The following NRG1 variants were observed in gnomAD, a reference collection of about 807,000 sequenced individuals.
NRG1 encodes the protein neuregulin 1, also known as pro-neuregulin-1, membrane-bound isoform.
A neutral mutation model predicts 63.8 loss-of-function variants in NRG1; 18 were observed. The ratio of observed to expected loss-of-function variants is 0.28; its 90% CI spans 0.19 to 0.42. The LOEUF (loss-of-function observed/expected upper bound fraction) is 0.42. NRG1 is among the 10% of genes least tolerant of loss of function. The pLI, the probability that NRG1 is intolerant of heterozygous loss-of-function variation, is 1.00. For missense variants in NRG1, 762 were observed against 814.7 expected (o/e 0.94, Z 0.79); for synonymous variants, 302 against 301.3 (o/e 1.00, Z -0.02).
At chr8:32,473,844 C>G (rs1824146368) in intron 1 of NRG1, among the ~76,000 whole-genome samples, 1 of 152,030 alleles carries the variant, frequency 6.6e-6, no homozygotes. Flanking sequence ...CCATCAGGCC[C>G]AACTACATTT....
At chr8:31,785,699 A>C (rs558657900) in intron 1 of NRG1, among the ~76,000 whole-genome samples, 13 of 152,232 alleles carry the variant, frequency 8.5e-5, no homozygotes, top group Non-Finnish European at 1.8e-4. Flanking sequence ...GTGGTTAAAA[A>C]AATCTTGCAT....
intron 1 of NRG1, among the ~76,000 whole-genome samples, chr8:31,922,760 G>A (rs1295545928): frequency 2.0e-5 from 3 of 152,144 alleles, no homozygotes; most frequent in Non-Finnish European, 1.5e-5. Flanking sequence ...TCATGCAGTA[G>A]CTCAACATCC....
intron 1 of NRG1, among the ~76,000 whole-genome samples, chr8:32,495,401 G>A (rs1319506134): frequency 2.6e-5 from 4 of 152,200 alleles, no homozygotes; most frequent in Admixed American, 1.3e-4. Flanking sequence ...CCCCAGCCAT[G>A]TGGAACTGTG....
In NRG1 at chr8:32,408,571, G is replaced by A. The variant is rs142243053; in HGVS notation, c.38-187257G>A. 4.5e-3 allele frequency among the ~76,000 whole-genome samples: 679 copies of A among 149,392 alleles called. 10 individuals are homozygous for A. Among genetic ancestry groups the A allele is most frequent in the African/African-American group, 0.016 (659 of 40,418 alleles). On this transcript the variant is annotated intron_variant, in intron 1 of 10. Transcript: ENST00000519301. ...TGCTTGGTCTGGTGGCTACTGCAGA[G>A]GGGGAAATCTCCAAAAACTGCAAAA...
intron 1 of NRG1, among the ~76,000 whole-genome samples, chr8:31,678,679 T>G (rs114084731): frequency 6.7e-6 from 1 of 149,738 alleles, no homozygotes; most frequent in Non-Finnish European, 1.5e-5. Flanking sequence ...TTGAAATGAT[T>G]ATTTTAATAT....
At chr8:32,687,770 T>C (rs1357298503) in intron 5 of NRG1, among the ~76,000 whole-genome samples, 1 of 152,242 alleles carries the variant, frequency 6.6e-6, no homozygotes, top group Non-Finnish European at 1.5e-5. Flanking sequence ...CAGAGATATG[T>C]AAGAGTACAA....
chr8:32,663,747 C>G (rs1803451129), intron 5 of NRG1, among the ~76,000 whole-genome samples: 1 of 152,088 alleles, frequency 6.6e-6, no homozygotes, highest in South Asian at 2.1e-4. Flanking sequence ...TTCTAGTACT[C>G]TAGACAGGGT....
intron 1 of NRG1, among the ~76,000 whole-genome samples, chr8:32,040,750 C>CAT (rs71208164): frequency 0.049 from 2,388 of 48,668 alleles, 236 homozygotes; most frequent in Middle Eastern, 0.14. Flanking sequence ...AATTTAGGCG[C>CAT]ATATATATAT....
In NRG1 at chr8:32,265,534, A is replaced by T. The variant is rs189993545; in HGVS notation, c.38-330294A>T. 7.7e-3 allele frequency among the ~76,000 whole-genome samples: 1,169 copies of T among 152,244 alleles called. 16 individuals are homozygous for T. The highest frequency in any genetic ancestry group is 0.021 in the African/African-American group (869 of 41,548). On this transcript the variant is annotated intron_variant, in intron 1 of 10. Coordinates refer to the NRG1 transcript ENST00000519301. Reference sequence around the variant, plus strand: ...AAAAATATTCAGAAAAAAAAATTTAAAAATACAATAAAAACTAATGTAGGC... The same window carrying T: ...AAAAATATTCAGAAAAAAAAATTTATAAATACAATAAAAACTAATGTAGGC...
chr8:31,667,630 G>A (rs1806686518), intron 1 of NRG1, among the ~76,000 whole-genome samples: 1 of 152,162 alleles, frequency 6.6e-6, no homozygotes, highest in Non-Finnish European at 1.5e-5. Flanking sequence ...GAAGGTAAGA[G>A]GTGAGGCTGC....
In NRG1 at chr8:31,640,875, A is replaced by T. The variant is rs560461427; in HGVS notation, c.37+1444A>T. 7.3e-7 allele frequency: 1 copy of T among 1,369,596 alleles called. No individual in the cohort carries two copies. Among genetic ancestry groups the T allele is most frequent in the South Asian group, 1.7e-5 (1 of 57,538 alleles). The allele number at this position is 1,369,596 out of a possible 1,614,324, so 84.8% of individuals were successfully genotyped here. A position where few individuals can be genotyped will look rare whatever the true frequency, so the allele number is the denominator to read the frequency against. ...GTTTCAGGGTGGTGGGTTCTCAGCGATCCTCAGAGAGGGAGGTTTCGCTTT... is the reference window on the plus strand; with the variant it reads ...GTTTCAGGGTGGTGGGTTCTCAGCGTTCCTCAGAGAGGGAGGTTTCGCTTT... On this transcript the variant is annotated intron_variant, in intron 1 of 10. Transcript: ENST00000519301. The surrounding 1 kb of genome is among the most constrained non-coding windows in gnomAD (Gnocchi z 6.3).
intron 1 of NRG1, among the ~76,000 whole-genome samples, chr8:32,457,136 A>C (rs927881230): frequency 3.3e-5 from 5 of 152,144 alleles, no homozygotes; most frequent in Non-Finnish European, 2.9e-5. Flanking sequence ...TCTCAAAAAA[A>C]TAAATAAATA....
chr8:32,748,358 C>CAGAGAGAG (rs34657847), intron 7 of NRG1, among the ~76,000 whole-genome samples: 1,420 of 121,942 alleles, frequency 0.012, 44 homozygotes, highest in African/African-American at 0.038. Context: ...CACACACACA[C>CAGAGAGAG]AGAGAGAGAG....
At chr8:31,742,079 G>C (rs983983938) in intron 1 of NRG1, among the ~76,000 whole-genome samples, 1 of 151,956 alleles carries the variant, frequency 6.6e-6, no homozygotes, top group African/African-American at 2.4e-5. Context: ...AATGCTAAGA[G>C]GAAAGTGCAA....
intron 1 of NRG1, among the ~76,000 whole-genome samples, chr8:32,015,586 C>A (rs746522194): frequency 3.3e-5 from 5 of 152,144 alleles, no homozygotes; most frequent in Non-Finnish European, 5.9e-5. Flanking sequence ...CATGGTAGTG[C>A]AACCCCCAAC....
At chr8:32,597,509 G>T (rs17665441) in intron 2 of NRG1, among the ~76,000 whole-genome samples, 57,426 of 151,864 alleles carry the variant, frequency 0.38, 12,711 homozygotes, top group Non-Finnish European at 0.49. Flanking sequence ...GTACTTCAAA[G>T]ATACAAAATA....
At chr8:31,918,892 T>C (rs1833649883) in intron 1 of NRG1, among the ~76,000 whole-genome samples, 1 of 152,176 alleles carries the variant, frequency 6.6e-6, no homozygotes, top group African/African-American at 2.4e-5. Flanking sequence ...CTGTTATTGG[T>C]GTATTCAGAG....
intron 1 of NRG1, among the ~76,000 whole-genome samples, chr8:31,998,173 G>A (rs1236165388): frequency 2.6e-5 from 4 of 151,988 alleles, no homozygotes; most frequent in Non-Finnish European, 5.9e-5. Context: ...AAGGTGAAAT[G>A]TGTATTCTGT....
At chr8:32,420,056 C>G (rs891085193) in intron 1 of NRG1, among the ~76,000 whole-genome samples, 1 of 152,136 alleles carries the variant, frequency 6.6e-6, no homozygotes, top group South Asian at 2.1e-4. Flanking sequence ...GAAGGCAATC[C>G]TCTTATGAGG....
Sources: allele counts gnomAD v4.1 joint callset (sites outside exome capture counted in the v4.1 genomes callset), GRCh38; gene constraint gnomAD v4.1.1; non-coding constraint Gnocchi (gnomAD v3.1); transcripts MANE v1.5; gene names NCBI Gene and HGNC (gene_info 2026-07-23, HGNC 2026-07-21).